Variants in GRIK3 observed in about 807,000 individuals in gnomAD.
GRIK3 encodes the protein glutamate receptor ionotropic, kainate 3.
A neutral mutation model predicts 102.5 loss-of-function variants in GRIK3; 29 were observed. The ratio of observed to expected loss-of-function variants is 0.28; its 90% CI spans 0.21 to 0.39. The LOEUF (loss-of-function observed/expected upper bound fraction) is 0.39, where lower values mean the gene tolerates loss of function less well. Ranked by LOEUF, GRIK3 falls within the 10% of genes least tolerant of loss-of-function variation. The pLI is 1.00. For missense variants in GRIK3, 908 were observed against 1,252.4 expected, an observed-to-expected ratio of 0.73 and a Z score of 4.15; for synonymous variants, 511 against 504.9, an observed-to-expected ratio of 1.01 and a Z score of -0.16.
intron 10 of GRIK3, among the ~76,000 whole-genome samples, chr1:36,828,037 A>G (rs1193613486): frequency 6.6e-6 from 1 of 151,254 alleles, no homozygotes; most frequent in Non-Finnish European, 1.5e-5. Flanking sequence ...CAGCTCCTGG[A>G]GTCCTTTCAG....
chr1:36,859,209 C>T lies in GRIK3; in HGVS notation c.1003G>A (p.Val335Met), dbSNP rs762150179. ...ATCTGTGGTGCCCGCTGGTAGCACA[C>T]GGACACGATATGGACGGCGTCGTAC... ...LLYDAVHIVS[V>M]CYQRAPQMTV... The change falls in exon 7 of 16, where the codon GTG becomes ATG. Residue 335 changes from valine (V) to methionine (M), a missense_variant. Around this residue, in one of 3 missense-constraint regions of GRIK3, gnomAD observed 585 missense variants for 824.9 expected, o/e 0.71. Transcript: ENST00000373091. 2.6e-5 allele frequency: 42 copies of T among 1,613,572 alleles called. No homozygotes were observed. Among genetic ancestry groups the T allele is most frequent in the Non-Finnish European group, 3.0e-5 (35 of 1,179,658 alleles).
chr1:36,961,390 T>C (rs1467910543), intron 1 of GRIK3, among the ~76,000 whole-genome samples: 2 of 96,516 alleles, frequency 2.1e-5, no homozygotes, highest in Admixed American at 1.3e-4. Flanking sequence ...AGCATAATTA[T>C]CCCATCAGAG....
chr1:37,002,676 T>A (rs56252858), intron 1 of GRIK3, among the ~76,000 whole-genome samples: 103 of 144,754 alleles, frequency 7.1e-4, no homozygotes, highest in African/African-American at 2.8e-3. Context: ...CTTTCTTTTT[T>A]TTTTTTTTTT....
rs138073088 is a variant in GRIK3, at chr1:36,961,862, C to T, written c.116-70766G>A. On this transcript the variant is annotated intron_variant, in intron 1 of 15. Coordinates refer to ENST00000373091, the MANE Select transcript of GRIK3 (RefSeq NM_000831.4). ...ACTGTCCTAGGTGCGGGGGACTCAG[C>T]AGTAATCAGGACAACCAACCACCCT... Among the ~76,000 whole-genome samples, 475 of 152,284 alleles carry T rather than the reference C, an allele frequency of 3.1e-3. 3 individuals are homozygous for T. The highest frequency in any genetic ancestry group is 5.3e-3 in the Admixed American group (81 of 15,300).
chr1:36,940,825 A>G (rs1307678230), intron 1 of GRIK3, among the ~76,000 whole-genome samples: 1 of 152,238 alleles, frequency 6.6e-6, no homozygotes, highest in Non-Finnish European at 1.5e-5. Flanking sequence ...GGAGAGAATC[A>G]GCCACATCCC....
intron 10 of GRIK3, among the ~76,000 whole-genome samples, chr1:36,838,126 T>A (rs1231409873): frequency 1.3e-5 from 2 of 152,226 alleles, no homozygotes; most frequent in African/African-American, 4.8e-5. Flanking sequence ...ACTGAGCATT[T>A]ACTGAGCACT....
intron 1 of GRIK3, among the ~76,000 whole-genome samples, chr1:36,905,570 G>T (rs1399732969): frequency 6.6e-6 from 1 of 151,114 alleles, no homozygotes; most frequent in African/African-American, 2.4e-5. Flanking sequence ...TCCTCTCCCT[G>T]CTCCCCAATG....
intron 1 of GRIK3, among the ~76,000 whole-genome samples, chr1:37,026,698 G>A (rs1041492229): frequency 3.3e-5 from 5 of 152,088 alleles, no homozygotes; most frequent in Non-Finnish European, 5.9e-5. Flanking sequence ...TTATAGATGA[G>A]GAAATGGAAG....
intron 11 of GRIK3, 27 bp downstream of exon 11, chr1:36,825,576 C>T (rs754194551): frequency 6.0e-6 from 9 of 1,490,842 alleles, no homozygotes; most frequent in Admixed American, 2.0e-5. Flanking sequence ...ACCTTGGGCC[C>T]GATGTCTGGC....
chr1:36,875,718 C>T (rs1640905912), intron 3 of GRIK3, among the ~76,000 whole-genome samples: 1 of 152,170 alleles, frequency 6.6e-6, no homozygotes, highest in South Asian at 2.1e-4. Context: ...CCAGGTGAAC[C>T]CAGAAAAACG....
At chr1:37,001,019 A>C (rs1369705237) in intron 1 of GRIK3, among the ~76,000 whole-genome samples, 8 of 152,234 alleles carry the variant, frequency 5.3e-5, no homozygotes, top group African/African-American at 1.2e-4. Flanking sequence ...AGGATGTAAA[A>C]GGTATAAGAT....
chr1:37,015,502 G>A (rs1557464196), intron 1 of GRIK3, among the ~76,000 whole-genome samples: 1 of 152,222 alleles, frequency 6.6e-6, no homozygotes, highest in Non-Finnish European at 1.5e-5. Flanking sequence ...TACAGACACT[G>A]TTCTGGGCTG....
chr1:36,914,640 C>A (rs1176180655), intron 1 of GRIK3, among the ~76,000 whole-genome samples: 1 of 152,224 alleles, frequency 6.6e-6, no homozygotes, highest in East Asian at 1.9e-4. Context: ...GCCCCACACA[C>A]TGGGCTCCCC....
intron 2 of GRIK3, among the ~76,000 whole-genome samples, chr1:36,890,116 G>A (rs531240176): frequency 6.6e-6 from 1 of 152,076 alleles, no homozygotes; most frequent in African/African-American, 2.4e-5. Flanking sequence ...GCTAAACCAG[G>A]GTGGGGCACC....
Position 36,801,862 on chromosome 1 carries a change from C to A in GRIK3, c.2749G>T (p.Val917Leu). The change falls in exon 16 of 16, where the codon GTG (valine) becomes TTG (leucine). Residue 917 changes from valine (V) to leucine (L), a missense_variant. Transcript: ENST00000373091. ...SMACSTSLAP[V>L]FP Reference sequence around the variant, plus strand: ...CACCCCAGCTGTGCCTAGGGGAACACAGGGGCTAAGGATGTGCTGCAGGCC... The same window carrying A: ...CACCCCAGCTGTGCCTAGGGGAACAAAGGGGCTAAGGATGTGCTGCAGGCC... The A allele has an allele frequency of 6.2e-7, 1 of 1,605,480 alleles. No homozygotes were observed. The highest frequency in any genetic ancestry group is 8.5e-7 in the Non-Finnish European group (1 of 1,175,758).
chr1:36,851,284 A>G (rs1402669582), intron 8 of GRIK3, among the ~76,000 whole-genome samples: 1 of 152,212 alleles, frequency 6.6e-6, no homozygotes, highest in African/African-American at 2.4e-5. Context: ...AATCCTCCCA[A>G]AGCCACCGGT....
intron 1 of GRIK3, among the ~76,000 whole-genome samples, chr1:36,968,217 CTCCGT>C (rs1642100121): frequency 2.2e-5 from 3 of 136,796 alleles, no homozygotes; most frequent in South Asian, 2.6e-4. Context: ...CACTCTCTCT[CTCCGT>C]GTGTGTGTGT....
intron 1 of GRIK3, among the ~76,000 whole-genome samples, chr1:37,018,930 T>G (rs1216532953): frequency 6.6e-6 from 1 of 152,170 alleles, no homozygotes; most frequent in Non-Finnish European, 1.5e-5. Context: ...TGAGAGCCTC[T>G]TTGCTGCAAC....
At chr1:36,809,622 C>G (rs1416439773) in intron 13 of GRIK3, among the ~76,000 whole-genome samples, 1 of 152,210 alleles carries the variant, frequency 6.6e-6, no homozygotes, top group Non-Finnish European at 1.5e-5. Flanking sequence ...GTATCCTCCC[C>G]ACACCCCAAC....
Sources: gnomAD v4.1 joint callset for allele counts (sites outside exome capture counted in the v4.1 genomes callset) on GRCh38, gnomAD v4.1.1 for gene constraint, gnomAD v4.1.1 regional missense constraint, MANE v1.5 for transcripts, NCBI Gene and HGNC (gene_info 2026-07-23, HGNC 2026-07-21) for gene names.